The following ATXN7 variants were observed in gnomAD, a reference collection of about 807,000 sequenced individuals.
ATXN7 encodes the protein ataxin-7.
A neutral mutation model predicts 70.5 loss-of-function variants in ATXN7; 12 were observed. That is an observed-to-expected ratio of 0.17 (90% CI 0.11 to 0.28). The LOEUF is 0.28. Ranked by LOEUF, ATXN7 falls within the 10% of genes least tolerant of loss-of-function variation. The probability of loss-of-function intolerance (pLI) is 1.00; values close to 1 mark genes in which losing one functional copy is unlikely to be tolerated. For missense variants in ATXN7, 1,256 were observed against 1,131.7 expected (o/e 1.11, Z -1.58); for synonymous variants, 498 against 448.7 (o/e 1.11, Z -1.39).
At chr3:63,956,526 G>C (rs1261788751) in intron 5 of ATXN7, among the ~76,000 whole-genome samples, 1 of 150,624 alleles carries the variant, frequency 6.6e-6, no homozygotes, top group Non-Finnish European at 1.5e-5. Context: ...CTGTGCATCT[G>C]AATCAAAGAG....
intron 9 of ATXN7, 58 bp downstream of exon 9, chr3:63,988,382 G>A: frequency 1.9e-6 from 3 of 1,598,178 alleles, no homozygotes; most frequent in Non-Finnish European, 2.6e-6. Context: ...TGCAGATACT[G>A]TAAAATTTCA....
At chr3:63,903,403 A>G (rs1703721254) in intron 2 of ATXN7, among the ~76,000 whole-genome samples, 1 of 151,668 alleles carries the variant, frequency 6.6e-6, no homozygotes, top group African/African-American at 2.4e-5. Context: ...AAAAAAAAAA[A>G]AAAAAAGGCA....
At chr3:63,931,310 C>T (rs1221105531) in intron 4 of ATXN7, among the ~76,000 whole-genome samples, 1 of 146,638 alleles carries the variant, frequency 6.8e-6, no homozygotes, top group Admixed American at 6.7e-5. Context: ...TAAACACCCG[C>T]CCCCCCAAAA....
chr3:63,912,053 G>C (rs1704038537), intron 2 of ATXN7: 1 of 152,282 alleles, frequency 6.6e-6, no homozygotes, highest in Non-Finnish European at 1.5e-5. Context: ...GGACCGGCAA[G>C]TGGGAGGAGG....
At chr3:63,953,928 A>G (rs2074997089) in intron 5 of ATXN7, among the ~76,000 whole-genome samples, 1 of 152,290 alleles carries the variant, frequency 6.6e-6, no homozygotes, top group African/African-American at 2.4e-5. Context: ...GATTACAGGC[A>G]TGAGCCACGC....
chr3:63,903,353 C>T (rs1204163845), intron 2 of ATXN7, among the ~76,000 whole-genome samples: 3 of 143,618 alleles, frequency 2.1e-5, no homozygotes, highest in Non-Finnish European at 3.0e-5. Context: ...CGCCACTGCA[C>T]TCCAGCCTGG....
intron 4 of ATXN7, among the ~76,000 whole-genome samples, chr3:63,914,172 A>G (rs762463013): frequency 6.6e-6 from 1 of 152,216 alleles, no homozygotes; most frequent in African/African-American, 2.4e-5. Context: ...ATTGTTGTCT[A>G]TGGCCCAAGG....
At chr3:63,899,346 G>GCCAC (rs1163394771) in intron 2 of ATXN7, among the ~76,000 whole-genome samples, 1 of 152,116 alleles carries the variant, frequency 6.6e-6, no homozygotes, top group African/African-American at 2.4e-5. Flanking sequence ...TCAGGCATGA[G>GCCAC]CCACCAACGC....
At chr3:63,883,618 A>C (rs1702985535) in intron 1 of ATXN7, among the ~76,000 whole-genome samples, 2 of 152,192 alleles carry the variant, frequency 1.3e-5, no homozygotes, top group Non-Finnish European at 2.9e-5. Flanking sequence ...ATCCTATGTA[A>C]CTATTCTATT....
intron 1 of ATXN7, among the ~76,000 whole-genome samples, chr3:63,880,845 C>G (rs1405913278): frequency 6.6e-6 from 1 of 152,232 alleles, no homozygotes; most frequent in Non-Finnish European, 1.5e-5. Flanking sequence ...GGCTTTCTTT[C>G]CTACTAGAAG....
At chr3:63,998,693 A>G (rs2075799294) in intron 12 of ATXN7, 1 of 984,554 alleles carries the variant, frequency 1.0e-6, no homozygotes, top group Non-Finnish European at 1.2e-6. Flanking sequence ...TTGAACCCCA[A>G]GAAGTATTGC....
chr3:63,863,200 GT>G (rs1467172522), upstream of ATXN7: 2 of 153,360 alleles, frequency 1.3e-5, no homozygotes, highest in East Asian at 3.9e-4. Flanking sequence ...CTGTCTGTGA[GT>G]GCTTCCCAAT....
At chr3:63,986,777 G>A (rs2075584894) in intron 8 of ATXN7, among the ~76,000 whole-genome samples, 1 of 152,292 alleles carries the variant, frequency 6.6e-6, no homozygotes, top group East Asian at 1.9e-4. Flanking sequence ...TCGTAAGGAG[G>A]TGGGTTGTGT....
intron 4 of ATXN7, among the ~76,000 whole-genome samples, chr3:63,936,700 G>C (rs1191450695): frequency 6.6e-6 from 1 of 152,180 alleles, no homozygotes; most frequent in East Asian, 1.9e-4. Flanking sequence ...GTGTAGGAAA[G>C]TAGGAGGAAC....
chr3:64,000,626 T>C lies in ATXN7; in HGVS notation c.*1159T>C, dbSNP rs558361550. 6.6e-6 allele frequency: 1 copy of C among 152,278 alleles called. No individual in the cohort carries two copies. Among genetic ancestry groups the C allele is most frequent in the South Asian group, 2.1e-4 (1 of 4,828 alleles). 9.4% of individuals were successfully genotyped at this position (152,278 alleles called of 1,614,324 possible). ...ACTTCAGATGTTTATTTGGATGTGG[T>C]TGGGGACGAGAGCAGACACCAAGGA... is the stretch of plus-strand genomic sequence containing the variant. On this transcript the variant is annotated 3_prime_UTR_variant, in exon 13 of 13. Transcript: ENST00000674280.
At chr3:63,865,882 G>A (rs867854666) in intron 1 of ATXN7, among the ~76,000 whole-genome samples, 94 of 98,928 alleles carry the variant, frequency 9.5e-4, no homozygotes, top group Admixed American at 1.7e-3. Flanking sequence ...GCGACAGAGC[G>A]AGACTCCATC....
chr3:63,979,667 C>G (rs937726015), intron 5 of ATXN7, among the ~76,000 whole-genome samples: 1 of 152,096 alleles, frequency 6.6e-6, no homozygotes, highest in Non-Finnish European at 1.5e-5. Flanking sequence ...TGTCTAATTT[C>G]CTGATGGGTG....
At chr3:63,917,162 C>T (rs2107309327) in intron 4 of ATXN7, among the ~76,000 whole-genome samples, 1 of 152,242 alleles carries the variant, frequency 6.6e-6, no homozygotes, top group South Asian at 2.1e-4. Flanking sequence ...AGAAGTGATC[C>T]ACCCACCTCG....
chr3:63,869,189 G>A (rs1702523723), intron 1 of ATXN7, among the ~76,000 whole-genome samples: 1 of 152,198 alleles, frequency 6.6e-6, no homozygotes, highest in Non-Finnish European at 1.5e-5. Flanking sequence ...TATGAACACA[G>A]CCTTTAGGCT....
Sources: gnomAD v4.1 joint callset for allele counts (sites outside exome capture counted in the v4.1 genomes callset) on GRCh38, gnomAD v4.1.1 for gene constraint, MANE v1.5 for transcripts, NCBI Gene and HGNC (gene_info 2026-07-23, HGNC 2026-07-21) for gene names.